The following MAST4 variants were observed in gnomAD, a reference collection of about 807,000 sequenced individuals.
MAST4 encodes the protein microtubule associated serine/threonine kinase family member 4.
MAST4 carries 89 observed loss-of-function variants against 162.7 expected under a neutral mutation model. That is an observed-to-expected ratio of 0.55 (90% CI 0.46 to 0.65). The LOEUF is 0.65. Ranked by LOEUF, MAST4 falls within the 30% of genes least tolerant of loss-of-function variation. The pLI, the probability that MAST4 is intolerant of heterozygous loss-of-function variation, is 0.00. For missense variants in MAST4, 3,153 were observed against 3,374.0 expected (o/e 0.93, Z 1.62); for synonymous variants, 1,479 against 1,361.1 (o/e 1.09, Z -1.91).
chr5:67,062,833 C>A (rs575905132), intron 5 of MAST4, among the ~76,000 whole-genome samples: 1 of 152,202 alleles, frequency 6.6e-6, no homozygotes, highest in Non-Finnish European at 1.5e-5. Context: ...ATGTCAGTCT[C>A]AACAAAATCA....
chr5:66,951,745 T>G (rs1293147039), intron 4 of MAST4, among the ~76,000 whole-genome samples: 1 of 151,976 alleles, frequency 6.6e-6, no homozygotes, highest in Non-Finnish European at 1.5e-5. Context: ...GTTTTTCTCC[T>G]TTTTAGATTT....
chr5:66,883,728 T>C (rs377490035), intron 3 of MAST4, among the ~76,000 whole-genome samples: 3 of 152,208 alleles, frequency 2.0e-5, no homozygotes, highest in East Asian at 3.9e-4. Flanking sequence ...CGCCCGGCTT[T>C]TATAAACACA....
rs184212320 is a variant in MAST4, at chr5:67,106,297, C to T, written c.1356+1722C>T. Among the ~76,000 whole-genome samples the T allele has an allele frequency of 7.9e-5, 12 of 152,236 alleles. No homozygotes were observed. The East Asian group carries it at 1.5e-3, about 20-fold the overall frequency. ...CATTTCAGAATCATGGATCCACCTGCCTACTGAATATCTTTCTACCTGGGC... is the reference window on the plus strand; with the variant it reads ...CATTTCAGAATCATGGATCCACCTGTCTACTGAATATCTTTCTACCTGGGC... On this transcript the variant is annotated intron_variant, in intron 10 of 28. Coordinates refer to ENST00000403625, the MANE Select transcript of MAST4 (RefSeq NM_001164664.2).
chr5:67,094,530 C>G (rs896596594), intron 6 of MAST4, among the ~76,000 whole-genome samples: 1 of 152,088 alleles, frequency 6.6e-6, no homozygotes, highest in African/African-American at 2.4e-5. Context: ...CCTAAAAATG[C>G]AATGTTGCTT....
rs181871240 is a variant in MAST4 at position 66,685,415 on chromosome 5, G to C, written c.364-74294G>C. ...TATTTTAAAGGATCAGAATATAAAAGAGCTGGAAGAAATTCATAGGGATTA... is the reference window on the plus strand; with the variant it reads ...TATTTTAAAGGATCAGAATATAAAACAGCTGGAAGAAATTCATAGGGATTA... On this transcript the variant is annotated intron_variant, in intron 1 of 28. Transcript: ENST00000403625. Among the ~76,000 whole-genome samples, 25 of 152,168 alleles carry C rather than the reference G, an allele frequency of 1.6e-4. No homozygotes were observed. In the East Asian group the frequency reaches 4.8e-3, roughly 29 times the overall value.
intron 3 of MAST4, among the ~76,000 whole-genome samples, chr5:66,857,333 G>T (rs1479194092): frequency 6.6e-6 from 1 of 152,114 alleles, no homozygotes; most frequent in Non-Finnish European, 1.5e-5. Flanking sequence ...TTGGGTTTTT[G>T]TTTTCACTGT....
intron 1 of MAST4, among the ~76,000 whole-genome samples, chr5:66,641,567 A>G (rs747903012): frequency 1.5e-4 from 23 of 152,204 alleles, no homozygotes; most frequent in Admixed American, 3.3e-4. Context: ...GTGGTCTCTA[A>G]ATATTACTTC....
At position 66,883,857 on chromosome 5, in the gene MAST4, A is replaced by C. The variant is rs73099931; in HGVS notation, c.643-16094A>C. On this transcript the variant is annotated intron_variant, in intron 3 of 28. Coordinates refer to ENST00000403625, the MANE Select transcript of MAST4 (RefSeq NM_001164664.2). ...TGTTTATTTCTTTAGCGATTTGATC[A>C]CTGTAGTACACAAGGGATTTGTTTC... is the stretch of plus-strand genomic sequence containing the variant. Among the ~76,000 whole-genome samples the C allele has an allele frequency of 7.4e-3, 1,134 of 152,334 alleles. 19 individuals carry two copies. The highest frequency in any genetic ancestry group is 0.026 in the African/African-American group (1,082 of 41,560).
In MAST4 at chr5:66,968,139, C is replaced by A. The variant is rs142272571; in HGVS notation, c.674+68157C>A. Among the ~76,000 whole-genome samples the A allele has an allele frequency of 8.3e-3, 1,261 of 152,272 alleles. 22 individuals are homozygous for A. The highest frequency in any genetic ancestry group is 0.013 in the Non-Finnish European group (859 of 68,016). ...AGTAAGTAGCTGTAGGCTGGAACAC[C>A]ATTACTCAGTGGCCAAGTTTCTATT... On this transcript the variant is annotated intron_variant, in intron 4 of 28. Coordinates refer to ENST00000403625, the MANE Select transcript of MAST4 (RefSeq NM_001164664.2).
At chr5:66,658,185 T>C (rs1746673842) in intron 1 of MAST4, among the ~76,000 whole-genome samples, 1 of 152,262 alleles carries the variant, frequency 6.6e-6, no homozygotes, top group Non-Finnish European at 1.5e-5. Flanking sequence ...GAATACAGGC[T>C]ATATTTTTCT....
intron 1 of MAST4, among the ~76,000 whole-genome samples, chr5:66,653,111 G>A (rs1031192578): frequency 6.6e-6 from 1 of 152,174 alleles, no homozygotes; most frequent in Non-Finnish European, 1.5e-5. Flanking sequence ...CTAGTCTTAA[G>A]TGTTACCAGT....
chr5:66,714,203 C>A (rs918097811), intron 1 of MAST4, among the ~76,000 whole-genome samples: 4 of 152,146 alleles, frequency 2.6e-5, no homozygotes, highest in Non-Finnish European at 5.9e-5. Flanking sequence ...TTTTCAAACA[C>A]CTAATATGCA....
intron 4 of MAST4, among the ~76,000 whole-genome samples, chr5:66,907,699 G>C (rs1018620246): frequency 2.0e-5 from 3 of 151,450 alleles, no homozygotes; most frequent in Admixed American, 6.6e-5. Context: ...TGCCTTGACT[G>C]CCTGTCTAGA....
chr5:66,991,438 A>C (rs1273450533), intron 4 of MAST4, among the ~76,000 whole-genome samples: 1 of 152,194 alleles, frequency 6.6e-6, no homozygotes, highest in Non-Finnish European at 1.5e-5. Context: ...GCACATACGA[A>C]ATAGCCTTTG....
chr5:66,807,870 G>A (rs938049833), intron 3 of MAST4, among the ~76,000 whole-genome samples: 8 of 152,170 alleles, frequency 5.3e-5, no homozygotes, highest in African/African-American at 1.9e-4. Flanking sequence ...TGTGTTGGCT[G>A]CATTGATATC....
intron 14 of MAST4, among the ~76,000 whole-genome samples, chr5:67,123,410 T>C (rs1400082175): frequency 6.6e-6 from 1 of 152,258 alleles, no homozygotes; most frequent in Non-Finnish European, 1.5e-5. Context: ...TAAACGTGTC[T>C]TTTTGCCAAC....
intron 1 of MAST4, among the ~76,000 whole-genome samples, chr5:66,688,818 G>C (rs1407906665): frequency 6.6e-6 from 1 of 152,130 alleles, no homozygotes; most frequent in Non-Finnish European, 1.5e-5. Flanking sequence ...CTTATACTAA[G>C]ACTGGCTGCT....
At chr5:67,119,409 C>G (rs1464272393) in intron 13 of MAST4, among the ~76,000 whole-genome samples, 1 of 152,048 alleles carries the variant, frequency 6.6e-6, no homozygotes, top group East Asian at 1.9e-4. Flanking sequence ...AAAGAGGAAC[C>G]AGGATGCATC....
At chr5:67,097,346 CT>C (rs1364500719) in intron 7 of MAST4, among the ~76,000 whole-genome samples, 2 of 152,222 alleles carry the variant, frequency 1.3e-5, no homozygotes, top group East Asian at 3.9e-4. Flanking sequence ...GCAACATCCC[CT>C]ATCATGTAAT....
Sources: gnomAD v4.1 joint callset for allele counts (sites outside exome capture counted in the v4.1 genomes callset) on GRCh38, gnomAD v4.1.1 for gene constraint, MANE v1.5 for transcripts, NCBI Gene and HGNC (gene_info 2026-07-23, HGNC 2026-07-21) for gene names.